The following GRM7 variants were observed in gnomAD, a reference collection of about 807,000 sequenced individuals.
The protein encoded by GRM7 is metabotropic glutamate receptor 7.
GRM7 carries 35 observed loss-of-function variants against 84.5 expected under a neutral mutation model. That is an observed-to-expected ratio of 0.41 (90% CI 0.32 to 0.55). The LOEUF (loss-of-function observed/expected upper bound fraction) is 0.55, where lower values mean the gene tolerates loss of function less well. Ranked by LOEUF, GRM7 falls within the 20% of genes least tolerant of loss-of-function variation. The probability of loss-of-function intolerance (pLI) is 0.19; values close to 1 mark genes in which losing one functional copy is unlikely to be tolerated. For synonymous variants in GRM7, 487 were observed against 455.1 expected (o/e 1.07, Z -0.89); for missense variants, 1,003 against 1,194.6 (o/e 0.84, Z 2.36).
At chr3:7,366,014 A>C (rs1693875096) in intron 4 of GRM7, among the ~76,000 whole-genome samples, 1 of 151,698 alleles carries the variant, frequency 6.6e-6, no homozygotes, top group Non-Finnish European at 1.5e-5. Context: ...TAGACTATAA[A>C]ACCATGTATG....
intron 8 of GRM7, among the ~76,000 whole-genome samples, chr3:7,638,557 T>C (rs1262573483): frequency 1.3e-5 from 2 of 152,180 alleles, no homozygotes; most frequent in Non-Finnish European, 2.9e-5. Flanking sequence ...TCCTGTAAGA[T>C]CACCTCTTTT....
intron 4 of GRM7, among the ~76,000 whole-genome samples, chr3:7,369,047 A>G (rs1324403778): frequency 2.0e-5 from 3 of 151,876 alleles, no homozygotes; most frequent in African/African-American, 7.3e-5. Flanking sequence ...GCACATCACA[A>G]CCTGAGAAAT....
chr3:7,340,328 C>T (rs116345841), intron 4 of GRM7, among the ~76,000 whole-genome samples: 1,953 of 152,174 alleles, frequency 0.013, 52 homozygotes, highest in African/African-American at 0.045. Context: ...TTCACAGTTC[C>T]GCATGGCCAG....
At chr3:7,141,493 T>G (rs1217755214) in intron 1 of GRM7, among the ~76,000 whole-genome samples, 1 of 152,038 alleles carries the variant, frequency 6.6e-6, no homozygotes, top group Middle Eastern at 3.2e-3. Flanking sequence ...GTTGTAAATA[T>G]TTAAATTCTA....
chr3:7,154,586 G>A (rs964472953), intron 2 of GRM7, among the ~76,000 whole-genome samples: 3 of 152,092 alleles, frequency 2.0e-5, no homozygotes, highest in South Asian at 2.1e-4. Context: ...AGGAGAAAAA[G>A]GTGATGGGAT....
chr3:6,911,077 C>A (rs1575003788), intron 1 of GRM7, among the ~76,000 whole-genome samples: 1 of 152,188 alleles, frequency 6.6e-6, no homozygotes, highest in East Asian at 1.9e-4. Flanking sequence ...TGGGCATTAG[C>A]CCCCTCATAG....
intron 9 of GRM7, among the ~76,000 whole-genome samples, chr3:7,726,865 T>A (rs1702150111): frequency 1.3e-5 from 2 of 148,192 alleles, no homozygotes; most frequent in Non-Finnish European, 3.0e-5. Flanking sequence ...CTGTTTCCTT[T>A]AAAAAAAAAA....
intron 2 of GRM7, among the ~76,000 whole-genome samples, chr3:7,220,259 A>G (rs2124872504): frequency 1.3e-5 from 2 of 152,322 alleles, no homozygotes; most frequent in Middle Eastern, 6.8e-3. Context: ...TTTACAGTGG[A>G]GAAACCTGAC....
At chr3:7,106,262 C>A (rs1692636454) in intron 1 of GRM7, among the ~76,000 whole-genome samples, 1 of 134,070 alleles carries the variant, frequency 7.5e-6, no homozygotes, top group Admixed American at 7.1e-5. Context: ...TTCAATAAAG[C>A]AATTCATTTT....
chr3:7,441,670 A>G (rs1378276852), intron 5 of GRM7, among the ~76,000 whole-genome samples: 1 of 152,128 alleles, frequency 6.6e-6, no homozygotes, highest in Non-Finnish European at 1.5e-5. Flanking sequence ...TGGTGTAAGG[A>G]GGTGGTACAG....
At chr3:7,252,484 G>C (rs1178157918) in intron 2 of GRM7, among the ~76,000 whole-genome samples, 1 of 152,032 alleles carries the variant, frequency 6.6e-6, no homozygotes, top group Non-Finnish European at 1.5e-5. Context: ...GAATCTGATG[G>C]GTGCTACAGA....
chr3:7,037,967 T>C (rs1443012650), intron 1 of GRM7, among the ~76,000 whole-genome samples: 1 of 152,162 alleles, frequency 6.6e-6, no homozygotes, highest in African/African-American at 2.4e-5. Context: ...TTAAATAGTC[T>C]AATTGCTTGC....
At chr3:7,654,556 A>G (rs1278909445) in intron 8 of GRM7, among the ~76,000 whole-genome samples, 1 of 152,142 alleles carries the variant, frequency 6.6e-6, no homozygotes, top group African/African-American at 2.4e-5. Flanking sequence ...TATTACTTTG[A>G]CTGTTTCCAG....
intron 8 of GRM7, among the ~76,000 whole-genome samples, chr3:7,652,027 G>C (rs944099166): frequency 6.6e-6 from 1 of 152,072 alleles, no homozygotes; most frequent in Non-Finnish European, 1.5e-5. Context: ...CCAACATTTG[G>C]GGGGAAAAAA....
intron 2 of GRM7, among the ~76,000 whole-genome samples, chr3:7,244,027 G>A (rs1697662836): frequency 6.6e-6 from 1 of 152,114 alleles, no homozygotes; most frequent in African/African-American, 2.4e-5. Flanking sequence ...CTCTGGGTGA[G>A]TCAGTGAGTG....
chr3:7,007,398 T>A (rs535327748), intron 1 of GRM7, among the ~76,000 whole-genome samples: 1 of 152,238 alleles, frequency 6.6e-6, no homozygotes, highest in Non-Finnish European at 1.5e-5. Context: ...ATAACTCTCC[T>A]GTAGCAGATA....
chr3:7,158,568 A>G (rs897417086), intron 2 of GRM7, among the ~76,000 whole-genome samples: 1 of 152,282 alleles, frequency 6.6e-6, no homozygotes, highest in Middle Eastern at 3.4e-3. Flanking sequence ...CACTGTTGTA[A>G]TATGAAAGAT....
At chr3:7,029,301 C>CAAAAAAAAAAAACA (rs1696097615) in intron 1 of GRM7, among the ~76,000 whole-genome samples, 1 of 55,208 alleles carries the variant, frequency 1.8e-5, no homozygotes, top group African/African-American at 4.2e-5. Flanking sequence ...GACTCTGCCT[C>CAAAAAAAAAAAACA]AAAAAAAAAA....
At chr3:7,134,571 C>G (rs1057197250) in intron 1 of GRM7, among the ~76,000 whole-genome samples, 1 of 152,102 alleles carries the variant, frequency 6.6e-6, no homozygotes, top group Non-Finnish European at 1.5e-5. Flanking sequence ...TCATATTGGT[C>G]TGGATCAGGC....
Sources: allele counts gnomAD v4.1 joint callset (sites outside exome capture counted in the v4.1 genomes callset), GRCh38; gene constraint gnomAD v4.1.1; transcripts MANE v1.5; gene names NCBI Gene and HGNC (gene_info 2026-07-23, HGNC 2026-07-21).